The following UNC5D variants were observed in gnomAD, a reference collection of about 807,000 sequenced individuals.
UNC5D encodes the protein unc-5 netrin receptor D, also known as netrin receptor UNC5D.
A neutral mutation model predicts 105.4 loss-of-function variants in UNC5D; 39 were observed. The ratio of observed to expected loss-of-function variants is 0.37; its 90% CI spans 0.29 to 0.48. UNC5D has a LOEUF of 0.48. Ranked by LOEUF, UNC5D falls within the 20% of genes least tolerant of loss-of-function variation. The pLI is 0.98. For synonymous variants in UNC5D, 452 were observed against 450.4 expected, an observed-to-expected ratio of 1.00 and a Z score of -0.04; for missense variants, 991 against 1,202.4, an observed-to-expected ratio of 0.82 and a Z score of 2.60.
chr8:35,566,563 T>C (rs892309318), intron 2 of UNC5D, among the ~76,000 whole-genome samples: 1 of 152,236 alleles, frequency 6.6e-6, no homozygotes. Context: ...AAGAGGCACC[T>C]GAGCATAGTG....
In UNC5D at chr8:35,726,213, C is replaced by A. The variant is rs766531280; in HGVS notation, c.1365C>A (p.Ser455Arg). The change falls in exon 10 of 17, where the codon AGC (serine) becomes AGA (arginine). Residue 455 changes from serine to arginine, a missense_variant. By Grantham distance (110) the Ser-to-Arg change is moderately radical (BLOSUM62 -1). Coordinates refer to ENST00000404895, the MANE Select transcript of UNC5D (RefSeq NM_080872.4). ...QPDLTVSRTYSGPICLQDPLD... is the reference protein window; with the variant it reads ...QPDLTVSRTYRGPICLQDPLD... ...ATCTGACAGTGAGCCGGACATACAGCGGACCCATCTGTCTGCAGGACCCTC... is the reference window on the plus strand; with the variant it reads ...ATCTGACAGTGAGCCGGACATACAGAGGACCCATCTGTCTGCAGGACCCTC... 1 of 1,614,112 alleles carries A rather than the reference C, an allele frequency of 6.2e-7. No individual in the cohort carries two copies. Among genetic ancestry groups the A allele is most frequent in the South Asian group, 1.1e-5 (1 of 91,084 alleles).
chr8:35,274,197 T>A (rs1319504083), intron 1 of UNC5D, among the ~76,000 whole-genome samples: 3 of 152,120 alleles, frequency 2.0e-5, no homozygotes, highest in African/African-American at 7.2e-5. Context: ...ATATATAAGT[T>A]CCTCCTACTA....
chr8:35,482,623 T>A (rs1362173061), intron 1 of UNC5D, among the ~76,000 whole-genome samples: 1 of 152,052 alleles, frequency 6.6e-6, no homozygotes, highest in African/African-American at 2.4e-5. Context: ...TTGACCAACA[T>A]TTAAGTATTT....
intron 1 of UNC5D, among the ~76,000 whole-genome samples, chr8:35,249,635 C>A (rs1803558952): frequency 6.6e-6 from 1 of 151,476 alleles, no homozygotes; most frequent in South Asian, 2.1e-4. Context: ...GTTGCTTCTT[C>A]TCATGCAGTT....
At chr8:35,486,960 G>A (rs1028631074) in intron 1 of UNC5D, among the ~76,000 whole-genome samples, 1 of 152,122 alleles carries the variant, frequency 6.6e-6, no homozygotes, top group African/African-American at 2.4e-5. Context: ...AAGGCTCCCA[G>A]GACAGGGCTC....
intron 6 of UNC5D, among the ~76,000 whole-genome samples, chr8:35,685,550 G>T (rs1462939672): frequency 2.0e-5 from 3 of 152,022 alleles, no homozygotes; most frequent in African/African-American, 7.2e-5. Flanking sequence ...AGTTAAGGTG[G>T]GGCTCTTCCT....
At chr8:35,439,278 A>G (rs1163615880) in intron 1 of UNC5D, among the ~76,000 whole-genome samples, 1 of 151,988 alleles carries the variant, frequency 6.6e-6, no homozygotes, top group Non-Finnish European at 1.5e-5. Context: ...GTTAGGAAAA[A>G]TAACATGAGA....
chr8:35,397,022 T>C (rs1425058925), intron 1 of UNC5D, among the ~76,000 whole-genome samples: 1 of 152,070 alleles, frequency 6.6e-6, no homozygotes, highest in Non-Finnish European at 1.5e-5. Flanking sequence ...TTCTCCTGCC[T>C]TAGCCTCCCA....
rs1166057543 is a variant in UNC5D at position 35,324,294 on chromosome 8, AATTTATTAAGTGGGC to A, written c.103+88415_103+88429del. Among the ~76,000 whole-genome samples the A allele has an allele frequency of 2.0e-5, 3 of 150,110 alleles. No homozygotes were observed. The East Asian group carries it at 5.9e-4, about 30-fold the overall frequency. ...ATGAGTCATCCTATTATCTATTCAT[AATTTATTAAGTGGGC>A]ATTTATTGAGTGCTTCCTATGTGCC... On this transcript the variant is annotated intron_variant, in intron 1 of 16. Coordinates refer to ENST00000404895, the MANE Select transcript of UNC5D (RefSeq NM_080872.4).
chr8:35,316,847 G>C (rs987010298), intron 1 of UNC5D, among the ~76,000 whole-genome samples: 1 of 152,066 alleles, frequency 6.6e-6, no homozygotes, highest in Non-Finnish European at 1.5e-5. Context: ...GAAATATGCT[G>C]TCCGATGGGT....
chr8:35,763,523 G>C (rs1801638318), intron 14 of UNC5D, among the ~76,000 whole-genome samples: 4 of 147,420 alleles, frequency 2.7e-5, no homozygotes, highest in South Asian at 4.3e-4. Flanking sequence ...ATTTGCTTAA[G>C]AGCTGGATCT....
intron 3 of UNC5D, among the ~76,000 whole-genome samples, chr8:35,590,838 T>C (rs1819120971): frequency 6.6e-6 from 1 of 152,148 alleles, no homozygotes; most frequent in Middle Eastern, 3.2e-3. Context: ...GGTCCCCACC[T>C]TCCTCACCGG....
chr8:35,463,035 A>G (rs992796494), intron 1 of UNC5D, among the ~76,000 whole-genome samples: 1 of 152,186 alleles, frequency 6.6e-6, no homozygotes, highest in Non-Finnish European at 1.5e-5. Context: ...TTTGGATTGG[A>G]TAGAGGCTGA....
intron 1 of UNC5D, among the ~76,000 whole-genome samples, chr8:35,271,712 T>TA (rs1563268286): frequency 2.1e-5 from 1 of 46,900 alleles, no homozygotes; most frequent in African/African-American, 8.5e-5. Context: ...TACATATATA[T>TA]TTATACATGT....
chr8:35,277,302 TG>T (rs1805841763), intron 1 of UNC5D, among the ~76,000 whole-genome samples: 1 of 152,240 alleles, frequency 6.6e-6, no homozygotes, highest in Non-Finnish European at 1.5e-5. Flanking sequence ...ACTATTGCTG[TG>T]TCTGCTGGCA....
chr8:35,515,364 G>A (rs1813037189), intron 1 of UNC5D, among the ~76,000 whole-genome samples: 1 of 152,112 alleles, frequency 6.6e-6, no homozygotes, highest in Non-Finnish European at 1.5e-5. Context: ...TAGGTATATA[G>A]ACAGCATAGT....
At chr8:35,590,162 T>C (rs1202964123) in intron 3 of UNC5D, among the ~76,000 whole-genome samples, 4 of 152,160 alleles carry the variant, frequency 2.6e-5, no homozygotes, top group African/African-American at 9.7e-5. Flanking sequence ...GAGGGTATTG[T>C]TTTTATTTTG....
intron 1 of UNC5D, among the ~76,000 whole-genome samples, chr8:35,432,487 C>T (rs1483942161): frequency 2.0e-5 from 3 of 152,158 alleles, no homozygotes; most frequent in East Asian, 3.9e-4. Context: ...ATCCACTTCA[C>T]TCTTATCAAT....
rs1024184643 is a variant in UNC5D, at chr8:35,568,155, A to T, written c.380A>T (p.His127Leu). ...NVTRQQVEDF[H>L]GPEDYWCQCV... is the part of the protein sequence containing the mutation. ...ACTAGGCAACAGGTGGAGGACTTCCATGGGCCCGAGGACTATTGGTGCCAG... is the reference window on the plus strand; with the variant it reads ...ACTAGGCAACAGGTGGAGGACTTCCTTGGGCCCGAGGACTATTGGTGCCAG... The change falls in exon 3 of 17, where the codon CAT becomes CTT. Residue 127 changes from histidine to leucine, a missense_variant. Physicochemically the swap from His to Leu is moderately conservative, Grantham distance 99. Around this residue, in one of 3 missense-constraint regions of UNC5D, gnomAD observed 944 missense variants for 1,131.6 expected, o/e 0.83. Coordinates refer to ENST00000404895, the MANE Select transcript of UNC5D (RefSeq NM_080872.4). The T allele has an allele frequency of 2.5e-6, 4 of 1,614,084 alleles. No individual in the cohort carries two copies. Among genetic ancestry groups the T allele is most frequent in the Non-Finnish European group, 3.4e-6 (4 of 1,180,034 alleles).
Sources: gnomAD v4.1 joint callset for allele counts (sites outside exome capture counted in the v4.1 genomes callset) on GRCh38, gnomAD v4.1.1 for gene constraint, gnomAD v4.1.1 regional missense constraint, MANE v1.5 for transcripts, NCBI Gene and HGNC (gene_info 2026-07-23, HGNC 2026-07-21) for gene names.